Variants in FER observed in about 807,000 individuals in gnomAD.
FER encodes FER tyrosine kinase, also known as tyrosine-protein kinase Fer.
FER carries 63 observed loss-of-function variants against 111.0 expected under a neutral mutation model. The observed-to-expected ratio is 0.57, with a 90% CI of 0.46 to 0.70. The LOEUF is 0.70. Among genes scored for constraint, FER ranks in the 30% least tolerant of loss-of-function variants. The pLI, the probability that FER is intolerant of heterozygous loss-of-function variation, is 0.00. For synonymous variants in FER, 327 were observed against 313.9 expected (o/e 1.04, Z -0.44); for missense variants, 914 against 954.0 (o/e 0.96, Z 0.55).
intron 16 of FER, among the ~76,000 whole-genome samples, chr5:109,075,892 G>T (rs1196507390): frequency 6.6e-6 from 1 of 151,392 alleles, no homozygotes; most frequent in Non-Finnish European, 1.5e-5. Flanking sequence ...AATTATCTGG[G>T]ATTCTCCACA....
At chr5:108,956,623 T>C (rs548786880) in intron 12 of FER, among the ~76,000 whole-genome samples, 27 of 151,638 alleles carry the variant, frequency 1.8e-4, no homozygotes, top group Middle Eastern at 3.2e-3. Context: ...CTTCTGTCAC[T>C]GAAATTTTTC....
At chr5:108,954,985 C>A in intron 12 of FER, 53 bp downstream of exon 12, 2 of 1,406,132 alleles carry the variant, frequency 1.4e-6, no homozygotes, top group Admixed American at 2.1e-5. Context: ...CATTGCGGTA[C>A]AATTATATTA....
intron 11 of FER, among the ~76,000 whole-genome samples, chr5:108,954,400 CTCCTTTTCT>C (rs1005421768): frequency 6.6e-6 from 1 of 152,016 alleles, no homozygotes; most frequent in African/African-American, 2.4e-5. Context: ...TGTTAATTCC[CTCCTTTTCT>C]TCATAATTTC....
At chr5:109,076,036 A>G (rs1776300074) in intron 16 of FER, among the ~76,000 whole-genome samples, 1 of 152,134 alleles carries the variant, frequency 6.6e-6, no homozygotes, top group African/African-American at 2.4e-5. Flanking sequence ...TTTTAACATT[A>G]TCTCTTAGTT....
chr5:109,143,074 A>G (rs764921078), intron 17 of FER, among the ~76,000 whole-genome samples: 2 of 152,114 alleles, frequency 1.3e-5, no homozygotes, highest in Non-Finnish European at 2.9e-5. Context: ...GGACCCATCT[A>G]TGTTGAGTCA....
intron 13 of FER, among the ~76,000 whole-genome samples, chr5:109,010,909 T>A (rs150090390): frequency 6.6e-6 from 1 of 152,200 alleles, no homozygotes; most frequent in Non-Finnish European, 1.5e-5. Context: ...CAGTTTATTT[T>A]GTGAAGTAAA....
chr5:108,936,131 A>T (rs1401638616), intron 10 of FER, among the ~76,000 whole-genome samples: 1 of 152,036 alleles, frequency 6.6e-6, no homozygotes, highest in African/African-American at 2.4e-5. Flanking sequence ...TCTAGGGCTC[A>T]CAGTCCTGGC....
intron 13 of FER, among the ~76,000 whole-genome samples, chr5:109,003,748 G>T (rs776868065): frequency 6.6e-5 from 10 of 152,244 alleles, no homozygotes; most frequent in Non-Finnish European, 1.0e-4. Context: ...GGGAGCTAGA[G>T]GTGGGAGAAT....
intron 16 of FER, among the ~76,000 whole-genome samples, chr5:109,095,973 T>C (rs1219821743): frequency 3.3e-5 from 5 of 152,078 alleles, no homozygotes; most frequent in Non-Finnish European, 7.4e-5. Flanking sequence ...CTGAAGTTTG[T>C]TGAAGATAAA....
chr5:108,903,500 A>G (rs966535639), intron 10 of FER, among the ~76,000 whole-genome samples: 1 of 152,158 alleles, frequency 6.6e-6, no homozygotes, highest in Admixed American at 6.5e-5. Context: ...CCCTGTCTCT[A>G]CTAAAAATAC....
chr5:108,970,004 T>C (rs1760415264), intron 13 of FER, among the ~76,000 whole-genome samples: 1 of 148,078 alleles, frequency 6.8e-6, no homozygotes, highest in African/African-American at 2.7e-5. Flanking sequence ...TACATGCTAA[T>C]GTTTTGTAGA....
chr5:108,842,084 C>A (rs1761327332), intron 5 of FER, among the ~76,000 whole-genome samples: 1 of 152,008 alleles, frequency 6.6e-6, no homozygotes. Flanking sequence ...GCATTAAATG[C>A]AGAAATATTC....
chr5:108,860,456 T>A (rs919515314), intron 5 of FER, among the ~76,000 whole-genome samples: 28 of 152,248 alleles, frequency 1.8e-4, no homozygotes, highest in Admixed American at 1.8e-3. Context: ...GATTAAATGT[T>A]TTGCTTGGGG....
At chr5:109,025,248 A>T (rs1342752071) in intron 13 of FER, among the ~76,000 whole-genome samples, 2 of 152,032 alleles carry the variant, frequency 1.3e-5, no homozygotes, top group Non-Finnish European at 2.9e-5. Flanking sequence ...CTTCCTACCC[A>T]TGAACATGGA....
At chr5:108,778,628 TA>T (rs1561404485) in intron 2 of FER, among the ~76,000 whole-genome samples, 1 of 152,202 alleles carries the variant, frequency 6.6e-6, no homozygotes, top group Non-Finnish European at 1.5e-5. Flanking sequence ...CCGTGTATAT[TA>T]TTTGGTGAGT....
chr5:108,819,011 A>G (rs1313500404), intron 3 of FER, among the ~76,000 whole-genome samples: 1 of 152,024 alleles, frequency 6.6e-6, no homozygotes, highest in South Asian at 2.1e-4. Flanking sequence ...TTTAACCTAG[A>G]TAGTTATTCT....
At chr5:108,872,956 T>G (rs1446342122) in intron 8 of FER, among the ~76,000 whole-genome samples, 2 of 152,122 alleles carry the variant, frequency 1.3e-5, no homozygotes, top group Non-Finnish European at 2.9e-5. Context: ...ATGTTAGACA[T>G]GTTATATCAT....
intron 16 of FER, among the ~76,000 whole-genome samples, chr5:109,074,439 A>C (rs1776096616): frequency 6.6e-6 from 1 of 152,210 alleles, no homozygotes; most frequent in Non-Finnish European, 1.5e-5. Flanking sequence ...ACATCTTTAG[A>C]AGTAAGTCAA....
intron 13 of FER, among the ~76,000 whole-genome samples, chr5:108,967,370 TG>T (rs1760000967): frequency 1.3e-5 from 2 of 152,118 alleles, no homozygotes; most frequent in African/African-American, 4.8e-5. Flanking sequence ...GGGACTTCTA[TG>T]GGCTCAGAAT....
Sources: allele counts gnomAD v4.1 joint callset (sites outside exome capture counted in the v4.1 genomes callset), GRCh38; gene constraint gnomAD v4.1.1; transcripts MANE v1.5; gene names NCBI Gene and HGNC (gene_info 2026-07-23, HGNC 2026-07-21).